AK9: variants seen among roughly 807,000 people sequenced by gnomAD.
AK9 encodes the protein adenylate kinase domain containing 1.
In AK9, 191 loss-of-function variants were observed where a neutral mutation model predicts 239.6. The ratio of observed to expected loss-of-function variants is 0.80; its 90% CI spans 0.71 to 0.90. The LOEUF is 0.90. Ranked by LOEUF, AK9 falls within the 40% of genes least tolerant of loss-of-function variation. AK9 has a pLI of 0.00. For synonymous variants in AK9, 689 were observed against 721.0 expected (o/e 0.96, Z 0.71); for missense variants, 1,995 against 2,214.7 (o/e 0.90, Z 1.99).
intron 24 of AK9, among the ~76,000 whole-genome samples, chr6:109,555,657 T>C (rs2128172072): frequency 6.6e-6 from 1 of 152,330 alleles, no homozygotes; most frequent in African/African-American, 2.4e-5. Flanking sequence ...TCTTTGTAGG[T>C]CTCTAAGAAC....
chr6:109,533,282 T>G lies in AK9; in HGVS notation c.3539A>C (p.Lys1180Thr), dbSNP rs755288597. ...TTTTGCCTTCATGTCTTTGATCAGT[T>G]TCTTCCTTTCTAATTTCTTCTTTTG... The part of the protein sequence containing the change: ...LKQKKKLERK[K>T]LIKDMKAKIR... Residue 1180 changes from lysine to threonine, a missense_variant, in exon 28 of 41, where the codon AAA becomes ACA. Coordinates refer to ENST00000424296, the MANE Select transcript of AK9 (RefSeq NM_001145128.3). The G allele has an allele frequency of 3.7e-6, 6 of 1,610,636 alleles. No homozygotes were observed. In the East Asian group the frequency reaches 1.3e-4, roughly 36 times the overall value.
chr6:109,493,579 A>G lies in AK9; in HGVS notation c.5534-8T>C, dbSNP rs1776742794. On this transcript the variant is annotated splice_region_variant and splice_polypyrimidine_tract_variant and intron_variant, in intron 40 of 40. Transcript: ENST00000424296. ...AACCTTTGGGATTAAATGCTGTAGAAAATTTCACAGAACTGTGAATAATTT... is the reference window on the plus strand; with the variant it reads ...AACCTTTGGGATTAAATGCTGTAGAGAATTTCACAGAACTGTGAATAATTT... The G allele has an allele frequency of 6.2e-7, 1 of 1,607,152 alleles. No individual in the cohort carries two copies. Among genetic ancestry groups the G allele is most frequent in the Non-Finnish European group, 8.5e-7 (1 of 1,175,260 alleles).
At chr6:109,518,737 TA>T (rs1290626716) in intron 29 of AK9, among the ~76,000 whole-genome samples, 15 of 152,150 alleles carry the variant, frequency 9.9e-5, no homozygotes, top group East Asian at 5.8e-4. Context: ...TCTACAACTT[TA>T]AAAAAATTAG....
At chr6:109,600,656 C>G (rs942374973) in intron 17 of AK9, among the ~76,000 whole-genome samples, 2 of 152,156 alleles carry the variant, frequency 1.3e-5, no homozygotes, top group African/African-American at 2.4e-5. Flanking sequence ...AGGAATGGTA[C>G]CAGCTCCTCC....
At chr6:109,519,024 C>A (rs1229679612) in intron 29 of AK9, among the ~76,000 whole-genome samples, 1 of 152,204 alleles carries the variant, frequency 6.6e-6, no homozygotes, top group Non-Finnish European at 1.5e-5. Flanking sequence ...CATGAGTACC[C>A]AGTGTTTAGC....
intron 5 of AK9, among the ~76,000 whole-genome samples, chr6:109,669,752 A>T (rs536899309): frequency 2.0e-5 from 3 of 152,262 alleles, no homozygotes; most frequent in African/African-American, 7.2e-5. Flanking sequence ...CTTGCTGGGA[A>T]TTTGGGCAAA....
intron 24 of AK9, among the ~76,000 whole-genome samples, chr6:109,559,473 A>G (rs1785466695): frequency 6.6e-6 from 1 of 152,140 alleles, no homozygotes; most frequent in Admixed American, 6.5e-5. Flanking sequence ...GGCCTGGTAT[A>G]TCTATCTGTC....
chr6:109,559,736 C>A (rs1448564623), intron 24 of AK9, among the ~76,000 whole-genome samples: 1 of 152,148 alleles, frequency 6.6e-6, no homozygotes, highest in Non-Finnish European at 1.5e-5. Flanking sequence ...ATTCCATTGG[C>A]TTTTCTACAT....
intron 20 of AK9, 25 bp downstream of exon 20, chr6:109,579,525 A>T (rs1421635332): frequency 1.9e-6 from 3 of 1,539,960 alleles, no homozygotes; most frequent in Non-Finnish European, 2.6e-6. Flanking sequence ...ATGACACATC[A>T]TCAGTCATAG....
At chr6:109,599,445 G>A (rs1791586414) in intron 17 of AK9, among the ~76,000 whole-genome samples, 1 of 152,122 alleles carries the variant, frequency 6.6e-6, no homozygotes, top group African/African-American at 2.4e-5. Context: ...TATCTGTTTG[G>A]GTACCAGCAC....
chr6:109,560,784 G>A (rs1785655886), intron 24 of AK9, among the ~76,000 whole-genome samples: 1 of 151,986 alleles, frequency 6.6e-6, no homozygotes, highest in Non-Finnish European at 1.5e-5. Context: ...TGATCTCATA[G>A]AATGACTAGG....
At chr6:109,650,857 T>G (rs995129213) in intron 8 of AK9, among the ~76,000 whole-genome samples, 1 of 152,092 alleles carries the variant, frequency 6.6e-6, no homozygotes, top group African/African-American at 2.4e-5. Context: ...ACAGACTGGA[T>G]TAAGAAAATG....
chr6:109,540,460 T>A (rs1413147846), intron 27 of AK9, among the ~76,000 whole-genome samples: 1 of 152,126 alleles, frequency 6.6e-6, no homozygotes, highest in African/African-American at 2.4e-5. Flanking sequence ...AAAAGCACAG[T>A]ATTAGGGTGG....
intron 7 of AK9, among the ~76,000 whole-genome samples, chr6:109,657,090 G>C (rs943248954): frequency 2.0e-5 from 3 of 152,150 alleles, no homozygotes; most frequent in African/African-American, 7.2e-5. Flanking sequence ...AAATTGACCT[G>C]GATATTTACT....
chr6:109,509,707 C>T (rs202142592), intron 32 of AK9, among the ~76,000 whole-genome samples: 1 of 152,106 alleles, frequency 6.6e-6, no homozygotes, highest in Non-Finnish European at 1.5e-5. Flanking sequence ...TAAGACCTGC[C>T]CTCTTGGGTG....
At chr6:109,531,020 C>T (rs114785270) in intron 28 of AK9, among the ~76,000 whole-genome samples, 4,370 of 151,508 alleles carry the variant, frequency 0.029, 100 homozygotes, top group East Asian at 0.11. Flanking sequence ...TCTAGCCTAG[C>T]GATAGAGTCA....
chr6:109,550,344 A>C, intron 24 of AK9, 42 bp from the exon 25 acceptor site: 11 of 1,538,142 alleles, frequency 7.2e-6, no homozygotes, highest in Non-Finnish European at 9.6e-6. Context: ...TAAACTAAAA[A>C]AGTATTTTGA....
At chr6:109,654,973 C>T (rs1471527044) in intron 8 of AK9, among the ~76,000 whole-genome samples, 1 of 152,166 alleles carries the variant, frequency 6.6e-6, no homozygotes, top group East Asian at 1.9e-4. Flanking sequence ...GGTCTCCTCC[C>T]TCAACATATA....
chr6:109,673,331 T>C (rs1771212755), intron 3 of AK9, among the ~76,000 whole-genome samples: 1 of 152,174 alleles, frequency 6.6e-6, no homozygotes, highest in African/African-American at 2.4e-5. Context: ...CCTACAGTGA[T>C]TGTAGTAATT....
Sources: gnomAD v4.1 joint callset for allele counts (sites outside exome capture counted in the v4.1 genomes callset) on GRCh38, gnomAD v4.1.1 for gene constraint, MANE v1.5 for transcripts, NCBI Gene and HGNC (gene_info 2026-07-23, HGNC 2026-07-21) for gene names.